AGTPBP1: variants seen among roughly 807,000 people sequenced by gnomAD.
AGTPBP1 encodes ATP/GTP binding carboxypeptidase 1.
Under a neutral mutation model 143.9 loss-of-function variants are expected in AGTPBP1, and 70 were observed. That is an observed-to-expected ratio of 0.49 (90% confidence interval 0.40 to 0.59). AGTPBP1 has a LOEUF of 0.59. Among genes scored for constraint, AGTPBP1 ranks in the 20% least tolerant of loss-of-function variants. The probability of loss-of-function intolerance (pLI) is 0.00; values close to 1 mark genes in which losing one functional copy is unlikely to be tolerated. For missense variants in AGTPBP1, 1,229 were observed against 1,464.5 expected (o/e 0.84, Z 2.62); for synonymous variants, 463 against 500.2 (o/e 0.93, Z 0.99).
At chr9:85,667,816 CTTT>C (rs905598688) in intron 8 of AGTPBP1, among the ~76,000 whole-genome samples, 12 of 146,556 alleles carry the variant, frequency 8.2e-5, no homozygotes, top group African/African-American at 3.0e-4. Flanking sequence ...AACAGGGAAA[CTTT>C]TTTTTATTTC....
Position 85,655,281 on chromosome 9 carries a change from T to C in AGTPBP1, c.949A>G (p.Thr317Ala). 6.4e-7 allele frequency: 1 copy of C among 1,565,714 alleles called. No individual in the cohort carries two copies. Among genetic ancestry groups the C allele is most frequent in the Non-Finnish European group, 8.7e-7 (1 of 1,154,790 alleles). ...CACTTCCTCATTATCAGACTGGAGG[T>C]ATTGACAAGAGGATCCAGAGTCCTG... Reference protein sequence around the residue: ...AVRTLDPLVNTSSLIMRKCFP... With the variant: ...AVRTLDPLVNASSLIMRKCFP... The change falls in exon 11 of 26, where the codon ACC becomes GCC. Residue 317 changes from threonine (T) to alanine (A), a missense_variant. Around this residue, in one of 2 missense-constraint regions of AGTPBP1, gnomAD observed 743 missense variants for 812.2 expected, o/e 0.91. Coordinates refer to ENST00000357081, the MANE Select transcript of AGTPBP1 (RefSeq NM_001330701.2).
At chr9:85,604,496 C>T (rs1829873656) in intron 17 of AGTPBP1, among the ~76,000 whole-genome samples, 1 of 152,092 alleles carries the variant, frequency 6.6e-6, no homozygotes, top group Non-Finnish European at 1.5e-5. Flanking sequence ...TTTGGAAACC[C>T]TTCCCAAGAA....
intron 2 of AGTPBP1, among the ~76,000 whole-genome samples, chr9:85,701,531 A>T (rs1406158638): frequency 2.0e-5 from 3 of 152,196 alleles, no homozygotes; most frequent in Non-Finnish European, 4.4e-5. Flanking sequence ...CACCCGGCCA[A>T]CTTTTTATCT....
In AGTPBP1 at chr9:85,578,927, T is replaced by A; in HGVS notation, c.3335A>T (p.Lys1112Ile). 5.0e-6 allele frequency: 8 copies of A among 1,612,858 alleles called. No individual in the cohort carries two copies. Among genetic ancestry groups the A allele is most frequent in the Non-Finnish European group, 6.8e-6 (8 of 1,179,558 alleles). The change falls in exon 24 of 26, where the codon AAA becomes ATA. Residue 1112 changes from lysine (K) to isoleucine (I), a missense_variant. Physicochemically the swap from Lys to Ile is moderately radical, Grantham distance 102. This residue lies in a region of AGTPBP1 where 486 missense variants were observed against 652.3 expected (regional missense o/e 0.75). Coordinates refer to ENST00000357081, the MANE Select transcript of AGTPBP1 (RefSeq NM_001330701.2). ...AAACCTAAGATGTTTTACCTTGTATTTTCCCTGATCACAGCCACATAAAGT... is the reference window on the plus strand; with the variant it reads ...AAACCTAAGATGTTTTACCTTGTATATTCCCTGATCACAGCCACATAAAGT... Reference protein sequence around the residue: ...ESTLCGCDQGKYKGLQIGTRE... With the variant: ...ESTLCGCDQGIYKGLQIGTRE...
chr9:85,669,690 C>T (rs1834362748), intron 7 of AGTPBP1, 112 bp from the exon 8 acceptor site: 3 of 611,730 alleles, frequency 4.9e-6, no homozygotes, highest in Non-Finnish European at 8.8e-6. Flanking sequence ...TAAATGTCAA[C>T]TCAAGTCACC....
At chr9:85,604,303 A>C (rs1829859096) in intron 17 of AGTPBP1, among the ~76,000 whole-genome samples, 1 of 152,232 alleles carries the variant, frequency 6.6e-6, no homozygotes, top group African/African-American at 2.4e-5. Context: ...AAAGTAAATG[A>C]AGAGAACAAG....
At chr9:85,715,358 G>A (rs1837638892) in intron 1 of AGTPBP1, among the ~76,000 whole-genome samples, 1 of 152,208 alleles carries the variant, frequency 6.6e-6, no homozygotes, top group African/African-American at 2.4e-5. Flanking sequence ...AAACTAAGAG[G>A]GAAGAAGGAA....
chr9:85,760,210 T>C, the AGTPBP1 span, among the ~76,000 whole-genome samples: 1 of 152,148 alleles, frequency 6.6e-6, no homozygotes, highest in Non-Finnish European at 1.5e-5. Context: ...GCTGGTACCA[T>C]TCCTTCTGAA....
At chr9:85,704,932 A>G (rs1450410300) in intron 2 of AGTPBP1, among the ~76,000 whole-genome samples, 1 of 152,156 alleles carries the variant, frequency 6.6e-6, no homozygotes, top group Admixed American at 6.5e-5. Context: ...TAAGATAAAC[A>G]GCAAATTTTA....
the AGTPBP1 span, among the ~76,000 whole-genome samples, chr9:85,770,123 T>C: frequency 6.6e-6 from 1 of 151,848 alleles, no homozygotes; most frequent in Non-Finnish European, 1.5e-5. Context: ...ATACACACAC[T>C]GCATTATGTG....
At chr9:85,804,050 T>C in the AGTPBP1 span, among the ~76,000 whole-genome samples, 1 of 152,160 alleles carries the variant, frequency 6.6e-6, no homozygotes, top group Admixed American at 6.5e-5. Context: ...ACCTTTTACC[T>C]GGCCTACAGT....
Position 85,657,427 on chromosome 9 carries a change from T to C in AGTPBP1, c.909+8A>G. ...CATAATCACAATAATAAGAAGAAAA[T>C]AACTCACTTGCGAAGTATTATACAG... is the stretch of plus-strand genomic sequence containing the variant. On this transcript the variant is annotated splice_region_variant and intron_variant, in intron 10 of 25. Transcript: ENST00000357081. 1.3e-6 allele frequency: 2 copies of C among 1,599,960 alleles called. No individual in the cohort carries two copies. The highest frequency in any genetic ancestry group is 1.7e-6 in the Non-Finnish European group (2 of 1,171,736).
intron 1 of AGTPBP1, among the ~76,000 whole-genome samples, chr9:85,732,586 T>A (rs1838963055): frequency 6.6e-6 from 1 of 152,066 alleles, no homozygotes; most frequent in African/African-American, 2.4e-5. Flanking sequence ...ACAGCTAATA[T>A]GGCATATAAA....
At chr9:85,648,155 T>A (rs899071172) in intron 11 of AGTPBP1, among the ~76,000 whole-genome samples, 1 of 152,214 alleles carries the variant, frequency 6.6e-6, no homozygotes, top group African/African-American at 2.4e-5. Flanking sequence ...TTCTTTGTCT[T>A]CGTTTCTTTG....
the AGTPBP1 span, chr9:85,781,363 G>C: frequency 6.4e-7 from 1 of 1,552,876 alleles, no homozygotes; most frequent in Non-Finnish European, 8.6e-7. Flanking sequence ...AGCATCATCA[G>C]AGTGTAAGAC....
chr9:85,769,875 A>T, the AGTPBP1 span, among the ~76,000 whole-genome samples: 2 of 152,222 alleles, frequency 1.3e-5, no homozygotes, highest in Non-Finnish European at 2.9e-5. Context: ...TTTAGGGGTC[A>T]TGGAGGAGAT....
At chr9:85,598,481 G>T (rs1286355083) in intron 17 of AGTPBP1, among the ~76,000 whole-genome samples, 1 of 151,904 alleles carries the variant, frequency 6.6e-6, no homozygotes, top group African/African-American at 2.4e-5. Context: ...ACTTATTTTT[G>T]TCTTCTTGAT....
the AGTPBP1 span, among the ~76,000 whole-genome samples, chr9:85,776,449 C>T: frequency 6.6e-6 from 1 of 152,160 alleles, no homozygotes; most frequent in Non-Finnish European, 1.5e-5. Flanking sequence ...CCCTTCATTC[C>T]TGAAGGGTCT....
intron 25 of AGTPBP1, among the ~76,000 whole-genome samples, chr9:85,564,062 C>A (rs1033360916): frequency 6.6e-6 from 1 of 152,224 alleles, no homozygotes; most frequent in African/African-American, 2.4e-5. Flanking sequence ...AGGTAAGGAA[C>A]CACCACAAGG....
Sources: gnomAD v4.1 joint callset for allele counts (sites outside exome capture counted in the v4.1 genomes callset) on GRCh38, gnomAD v4.1.1 for gene constraint, gnomAD v4.1.1 regional missense constraint, MANE v1.5 for transcripts, NCBI Gene and HGNC (gene_info 2026-07-23, HGNC 2026-07-21) for gene names.